Variants in TMEM131L observed in about 807,000 individuals in gnomAD.
The protein encoded by TMEM131L is transmembrane protein 131-like.
Under a neutral mutation model 192.2 loss-of-function variants are expected in TMEM131L, and 54 were observed. The ratio of observed to expected loss-of-function variants is 0.28; its 90% confidence interval spans 0.23 to 0.35. The LOEUF (loss-of-function observed/expected upper bound fraction) is 0.35, where lower values mean the gene tolerates loss of function less well. TMEM131L is among the 10% of genes least tolerant of loss of function. TMEM131L has a pLI of 1.00. For missense variants in TMEM131L, 1,888 were observed against 1,972.9 expected, an observed-to-expected ratio of 0.96 and a Z score of 0.82; for synonymous variants, 701 against 704.9, an observed-to-expected ratio of 0.99 and a Z score of 0.09.
intron 23 of TMEM131L, 62 bp from the exon 24 acceptor site, chr4:153,603,241 A>G (rs1251303055): frequency 2.8e-6 from 4 of 1,414,960 alleles, no homozygotes; most frequent in East Asian, 2.4e-5. Flanking sequence ...CTGTAATGAA[A>G]CTAGTCTTTT....
At chr4:153,513,153 T>C (rs1734477432) in intron 3 of TMEM131L, among the ~76,000 whole-genome samples, 1 of 152,238 alleles carries the variant, frequency 6.6e-6, no homozygotes, top group Non-Finnish European at 1.5e-5. Context: ...AATCTGGTTC[T>C]GTTCTAGCAG....
At chr4:153,627,752 G>A in intron 31 of TMEM131L, 65 bp downstream of exon 31, 1 of 1,384,914 alleles carries the variant, frequency 7.2e-7, no homozygotes. Context: ...ATTCCTGGCT[G>A]ATGAGTTTGA....
At chr4:153,504,166 C>A (rs917023002) in intron 3 of TMEM131L, among the ~76,000 whole-genome samples, 1 of 149,200 alleles carries the variant, frequency 6.7e-6, no homozygotes, top group Non-Finnish European at 1.5e-5. Context: ...GACGGGGTTT[C>A]ACTGTGTTGG....
At position 153,584,898 on chromosome 4, in the gene TMEM131L, T is replaced by C; in HGVS notation, c.1124T>C (p.Leu375Pro). Residue 375 changes from leucine to proline, a missense_variant, in exon 12 of 35, where the codon CTA becomes CCA. Transcript: ENST00000409959. ...DVKKTTHTPTLKACLFSSVAQ... is the reference protein window; with the variant it reads ...DVKKTTHTPTPKACLFSSVAQ... Reference sequence around the variant, plus strand: ...AAGAAAACAACACACACTCCAACACTAAAAGCATGCCTCTTCTCTTCTGTG... The same window carrying C: ...AAGAAAACAACACACACTCCAACACCAAAAGCATGCCTCTTCTCTTCTGTG... 1 of 1,614,018 alleles carries C rather than the reference T, an allele frequency of 6.2e-7. No individual in the cohort carries two copies. The highest frequency in any genetic ancestry group is 8.5e-7 in the Non-Finnish European group (1 of 1,179,848).
At chr4:153,635,693 C>T in intron 34 of TMEM131L, 122 bp downstream of exon 34, 2 of 1,145,038 alleles carry the variant, frequency 1.7e-6, no homozygotes, top group Admixed American at 2.7e-5. Flanking sequence ...GCCTGGCTTG[C>T]TTCTTTTAGA....
At chr4:153,488,189 G>C (rs1006208584) in intron 3 of TMEM131L, among the ~76,000 whole-genome samples, 2 of 152,142 alleles carry the variant, frequency 1.3e-5, no homozygotes, top group East Asian at 3.9e-4. Context: ...GTGGGCCTGT[G>C]GCTGAGTTGT....
At chr4:153,618,387 G>A (rs568250124) in intron 26 of TMEM131L, among the ~76,000 whole-genome samples, 9 of 148,036 alleles carry the variant, frequency 6.1e-5, no homozygotes, top group African/African-American at 1.7e-4. Context: ...TGAGGTAGGC[G>A]GTTGCTTGAG....
In TMEM131L at chr4:153,591,242, C is replaced by G. The variant is rs1027690493; in HGVS notation, c.1812+48C>G. ...TTTCTTTGTCAGTGACTCCCCAGTG[C>G]TTGGGTTTTCAAAGTACCAGATTGT... On this transcript the variant is annotated intron_variant, in intron 17 of 34. Coordinates refer to ENST00000409959, the MANE Select transcript of TMEM131L (RefSeq NM_001131007.2). The G allele has an allele frequency of 2.0e-6, 3 of 1,504,422 alleles. No homozygotes were observed. The African/African-American group carries it at 4.3e-5, about 21-fold the overall frequency. 93.2% of individuals were successfully genotyped at this position (1,504,422 alleles called of 1,614,324 possible).
chr4:153,502,386 A>C (rs1311839500), intron 3 of TMEM131L, among the ~76,000 whole-genome samples: 1 of 152,180 alleles, frequency 6.6e-6, no homozygotes, highest in Non-Finnish European at 1.5e-5. Flanking sequence ...GAAAACAGCT[A>C]CTGGGTTTGG....
In TMEM131L at chr4:153,604,175, A is replaced by G. The variant is rs1343547444; in HGVS notation, c.3163A>G (p.Asn1055Asp). The G allele has an allele frequency of 1.2e-6, 2 of 1,614,176 alleles. No homozygotes were observed. The highest frequency in any genetic ancestry group is 1.7e-5 in the Admixed American group (1 of 60,020). ...KNLTLPKNLLNKEENTLKNTI... is the reference protein window; with the variant it reads ...KNLTLPKNLLDKEENTLKNTI... ...TTTAACCCTTCCCAAAAACTTACTG[A>G]ATAAAGAAGAAAACACACTGAAAAA... is the stretch of plus-strand genomic sequence containing the variant. The change falls in exon 25 of 35, where the codon AAT (asparagine) becomes GAT (aspartate). Residue 1055 changes from asparagine to aspartate, a missense_variant. Transcript: ENST00000409959.
intron 3 of TMEM131L, among the ~76,000 whole-genome samples, chr4:153,513,698 A>G (rs1734514991): frequency 6.6e-6 from 1 of 152,234 alleles, no homozygotes. Context: ...GCAATTGACA[A>G]GGATAATGTG....
At chr4:153,507,181 A>G (rs920542611) in intron 3 of TMEM131L, among the ~76,000 whole-genome samples, 3 of 152,228 alleles carry the variant, frequency 2.0e-5, no homozygotes, top group Non-Finnish European at 2.9e-5. Flanking sequence ...TTTATGGCCC[A>G]TCAGAGCTAT....
chr4:153,632,593 AG>A, intron 31 of TMEM131L, 124 bp from the exon 32 acceptor site: 1 of 975,580 alleles, frequency 1.0e-6, no homozygotes, highest in Non-Finnish European at 1.5e-6. Context: ...ATATTCCGAA[AG>A]GAGTTAGTCA....
intron 3 of TMEM131L, among the ~76,000 whole-genome samples, chr4:153,475,644 G>A (rs923638814): frequency 1.3e-5 from 2 of 151,914 alleles, no homozygotes; most frequent in Non-Finnish European, 2.9e-5. Context: ...TGTGACTTCT[G>A]CATTCGTGGA....
chr4:153,467,398 G>A, intron 2 of TMEM131L, 117 bp downstream of exon 2: 1 of 881,076 alleles, frequency 1.1e-6, no homozygotes, highest in Non-Finnish European at 1.8e-6. Flanking sequence ...CACTTTGCAA[G>A]GCAAATAAAC....
intron 2 of TMEM131L, among the ~76,000 whole-genome samples, chr4:153,472,760 A>C (rs770813089): frequency 1.1e-4 from 17 of 152,334 alleles, no homozygotes; most frequent in South Asian, 1.0e-3. Context: ...AAGTGGTGAG[A>C]GAGAACAGCC....
At chr4:153,573,563 GTGTAAAAA>G (rs1247294929) in intron 7 of TMEM131L, among the ~76,000 whole-genome samples, 1 of 152,220 alleles carries the variant, frequency 6.6e-6, no homozygotes, top group Non-Finnish European at 1.5e-5. Context: ...AGTTATCCAG[GTGTAAAAA>G]CCAAGGTGTT....
chr4:153,581,470 A>G lies in TMEM131L; in HGVS notation c.802A>G (p.Asn268Asp), dbSNP rs1230543451. The change falls in exon 9 of 35, where the codon AAC becomes GAC. Residue 268 changes from asparagine to aspartate, a missense_variant. By Grantham distance (23) the Asn-to-Asp change is conservative. Coordinates refer to ENST00000409959, the MANE Select transcript of TMEM131L (RefSeq NM_001131007.2). The stretch of plus-strand genomic sequence containing the variant: ...AATGAGCATAATGGTAACAATGGAA[A>G]ACTTTTCAAAAGAATTTGAAGAAAA... ...LQMSIMVTME[N>D]FSKEFEENTQ... 3 of 1,598,688 alleles carry G rather than the reference A, an allele frequency of 1.9e-6. No homozygotes were observed. Among genetic ancestry groups the G allele is most frequent in the Admixed American group, 3.4e-5 (2 of 58,966 alleles).
At chr4:153,559,539 G>T (rs923701315) in intron 7 of TMEM131L, among the ~76,000 whole-genome samples, 1 of 152,078 alleles carries the variant, frequency 6.6e-6, no homozygotes, top group Non-Finnish European at 1.5e-5. Context: ...AGGATAAGTG[G>T]AATGAAGGGA....
Sources: allele counts gnomAD v4.1 joint callset (sites outside exome capture counted in the v4.1 genomes callset), GRCh38; gene constraint gnomAD v4.1.1; transcripts MANE v1.5; gene names NCBI Gene and HGNC (gene_info 2026-07-23, HGNC 2026-07-21).